NEK5: variants seen among roughly 807,000 people sequenced by gnomAD.
NEK5 encodes the protein serine/threonine-protein kinase Nek5.
NEK5 carries 88 observed loss-of-function variants against 109.2 expected under a neutral mutation model. The ratio of observed to expected loss-of-function variants is 0.81; its 90% confidence interval spans 0.68 to 0.96. The LOEUF (loss-of-function observed/expected upper bound fraction) is 0.96, where lower values mean the gene tolerates loss of function less well. NEK5 is among the 40% of genes least tolerant of loss of function. The pLI is 0.00. For missense variants in NEK5, 834 were observed against 920.7 expected (o/e 0.91, Z 1.22); for synonymous variants, 283 against 299.9 (o/e 0.94, Z 0.58).
At chr13:52,044,118 C>T (rs957471105) in intron 23 of NEK5, among the ~76,000 whole-genome samples, 14 of 152,178 alleles carry the variant, frequency 9.2e-5, no homozygotes, top group African/African-American at 2.9e-4. Flanking sequence ...GGCCTAGCTT[C>T]GCAGCCTACA....
At chr13:52,056,723 G>C (rs1334723985) in intron 22 of NEK5, among the ~76,000 whole-genome samples, 1 of 151,750 alleles carries the variant, frequency 6.6e-6, no homozygotes, top group African/African-American at 2.4e-5. Context: ...TATGAAGGCA[G>C]AAATAAAGAT....
At chr13:52,082,812 C>T (rs1955041025) in intron 17 of NEK5, among the ~76,000 whole-genome samples, 1 of 152,202 alleles carries the variant, frequency 6.6e-6, no homozygotes, top group East Asian at 1.9e-4. Flanking sequence ...AATGCCTGGG[C>T]CTCATCCCAG....
At chr13:52,075,574 T>C (rs1421347678) in intron 19 of NEK5, among the ~76,000 whole-genome samples, 184 bp downstream of exon 19, 1 of 152,132 alleles carries the variant, frequency 6.6e-6, no homozygotes, top group Non-Finnish European at 1.5e-5. Context: ...GGATCATTCA[T>C]ATCCCAAACC....
chr13:52,060,738 C>G (rs1954606861), intron 22 of NEK5, among the ~76,000 whole-genome samples: 1 of 152,194 alleles, frequency 6.6e-6, no homozygotes, highest in Non-Finnish European at 1.5e-5. Flanking sequence ...AAACCAGGTC[C>G]CAGACCTCAC....
chr13:52,126,343 CTATT>C (rs1443796236), intron 3 of NEK5, among the ~76,000 whole-genome samples: 1 of 152,170 alleles, frequency 6.6e-6, no homozygotes, highest in Non-Finnish European at 1.5e-5. Context: ...TAGTTTTTCT[CTATT>C]CATTCAGTGC....
At chr13:52,094,668 T>C (rs1955365440) in intron 12 of NEK5, among the ~76,000 whole-genome samples, 1 of 152,052 alleles carries the variant, frequency 6.6e-6, no homozygotes, top group South Asian at 2.1e-4. Flanking sequence ...GTGCCTATAG[T>C]CCCAGCTACT....
intron 23 of NEK5, among the ~76,000 whole-genome samples, chr13:52,045,333 T>G (rs1305847172): frequency 1.3e-5 from 2 of 149,836 alleles, no homozygotes; most frequent in African/African-American, 4.9e-5. Context: ...GGTTTCACCG[T>G]GTTAGCCAGG....
intron 23 of NEK5, among the ~76,000 whole-genome samples, chr13:52,045,861 A>G (rs1376171189): frequency 6.6e-6 from 1 of 151,484 alleles, no homozygotes; most frequent in African/African-American, 2.4e-5. Context: ...TCACGAGGTC[A>G]GGGGTTTGAG....
At chr13:52,047,893 C>A (rs1029069907) in intron 23 of NEK5, among the ~76,000 whole-genome samples, 5 of 151,896 alleles carry the variant, frequency 3.3e-5, no homozygotes, top group Non-Finnish European at 2.9e-5. Flanking sequence ...TCAAAGGACT[C>A]CAAAATTTAG....
At chr13:52,053,533 A>G (rs577521650) in intron 22 of NEK5, among the ~76,000 whole-genome samples, 15 of 152,206 alleles carry the variant, frequency 9.9e-5, no homozygotes, top group African/African-American at 3.6e-4. Flanking sequence ...ACTCCCTTGC[A>G]TTGCTGGCTT....
At chr13:52,099,036 T>A (rs1157521699) in intron 12 of NEK5, among the ~76,000 whole-genome samples, 1 of 152,216 alleles carries the variant, frequency 6.6e-6, no homozygotes, top group Non-Finnish European at 1.5e-5. Context: ...GTAACTTAAT[T>A]GTACATTTTG....
chr13:52,101,169 C>T (rs530208815), intron 11 of NEK5, among the ~76,000 whole-genome samples: 45 of 152,244 alleles, frequency 3.0e-4, no homozygotes, highest in African/African-American at 9.9e-4. Flanking sequence ...GAGGCAGAGG[C>T]GGGCGGATCA....
intron 23 of NEK5, among the ~76,000 whole-genome samples, chr13:52,045,588 A>G (rs1378884368): frequency 7.2e-6 from 1 of 137,996 alleles, no homozygotes; most frequent in East Asian, 2.4e-4. Context: ...ACAAGGTGAA[A>G]CCCCGTCTCT....
intron 8 of NEK5, among the ~76,000 whole-genome samples, chr13:52,105,354 T>C (rs1468608360): frequency 6.6e-6 from 1 of 151,436 alleles, no homozygotes; most frequent in African/African-American, 2.4e-5. Flanking sequence ...GACGGTAAGA[T>C]TGGTGGGAAA....
chr13:52,064,048 G>A (rs1478151014), intron 21 of NEK5, among the ~76,000 whole-genome samples: 11 of 142,398 alleles, frequency 7.7e-5, no homozygotes, highest in African/African-American at 3.1e-4. Flanking sequence ...CGGGAGGGAG[G>A]TGGGGGGGTC....
rs1476671281 is a variant in NEK5, at chr13:52,084,728, A to AGT, written c.1480-1377_1480-1376insAC. Reference sequence around the variant, plus strand: ...AATTTAAAGAGAGAGAGAGAGAGAGAGAGAGTGAGAGAGAGAGAGAGAGAG... The same window carrying AGT: ...AATTTAAAGAGAGAGAGAGAGAGAGAGTGAGAGTGAGAGAGAGAGAGAGAGAG... On this transcript the variant is annotated intron_variant, in intron 16 of 23. Transcript: ENST00000684899. Among the ~76,000 whole-genome samples, 298 of 127,774 alleles carry AGT rather than the reference A, an allele frequency of 2.3e-3. 1 individual carries two copies. Among genetic ancestry groups the AGT allele is most frequent in the Middle Eastern group, 4.0e-3 (1 of 252 alleles). 83.8% of individuals were successfully genotyped at this position (127,774 alleles called of 152,430 possible).
At chr13:52,082,270 G>A (rs1012848467) in intron 17 of NEK5, 19 of 558,012 alleles carry the variant, frequency 3.4e-5, no homozygotes, top group South Asian at 1.5e-4. Context: ...AGCCAAGATC[G>A]TGCCATTGCA....
chr13:52,103,033 G>A (rs755363), intron 9 of NEK5, among the ~76,000 whole-genome samples: 63,093 of 151,988 alleles, frequency 0.42, 15,020 homozygotes, highest in Non-Finnish European at 0.54. Context: ...CATAAACATC[G>A]TTTAATTTCC....
intron 3 of NEK5, among the ~76,000 whole-genome samples, chr13:52,124,098 C>T (rs1956020677): frequency 6.6e-6 from 1 of 152,106 alleles, no homozygotes; most frequent in African/African-American, 2.4e-5. Context: ...TCACTTGAGG[C>T]CAGCCTGGGC....
Sources: gnomAD v4.1 joint callset for allele counts (sites outside exome capture counted in the v4.1 genomes callset) on GRCh38, gnomAD v4.1.1 for gene constraint, MANE v1.5 for transcripts, NCBI Gene and HGNC (gene_info 2026-07-23, HGNC 2026-07-21) for gene names.